B4GALT6: variants seen among roughly 807,000 people sequenced by gnomAD.
B4GALT6 encodes the protein UDP-Gal:beta-GlcNAc beta-1,4-galactosyltransferase 6.
A neutral mutation model predicts 46.3 loss-of-function variants in B4GALT6; 14 were observed. That is an observed-to-expected ratio of 0.30 (90% confidence interval 0.20 to 0.47). B4GALT6 has a LOEUF of 0.47. Among genes scored for constraint, B4GALT6 ranks in the 20% least tolerant of loss-of-function variants. The pLI is 0.99. For synonymous variants in B4GALT6, 168 were observed against 162.0 expected (o/e 1.04, Z -0.28); for missense variants, 386 against 480.1 (o/e 0.80, Z 1.83).
At chr18:31,719,216 C>T in the B4GALT6 span, 2 of 152,232 alleles carry the variant, frequency 1.3e-5, no homozygotes, top group Non-Finnish European at 2.9e-5. Context: ...TTGCTGACTT[C>T]ACCATTAAGC....
At chr18:31,688,556 A>G (rs746667347), upstream of B4GALT6, among the ~76,000 whole-genome samples, 2 of 152,156 alleles carry the variant, frequency 1.3e-5, no homozygotes, top group Non-Finnish European at 2.9e-5. Context: ...TAGCAGCCCT[A>G]CTTCAGCATT....
At chr18:31,675,466 C>A (rs1219062225) in intron 1 of B4GALT6, among the ~76,000 whole-genome samples, 1 of 152,186 alleles carries the variant, frequency 6.6e-6, no homozygotes, top group Non-Finnish European at 1.5e-5. Flanking sequence ...CCTACTTTAA[C>A]CCTAGTTGAT....
intron 6 of B4GALT6, 87 bp from the exon 7 acceptor site, chr18:31,627,208 C>CTT: frequency 9.1e-7 from 1 of 1,104,158 alleles, no homozygotes; most frequent in Non-Finnish European, 1.3e-6. Flanking sequence ...ATGTGCTTTG[C>CTT]AAAATATGCC....
At position 31,627,051 on chromosome 18, in the gene B4GALT6, A is replaced by G; in HGVS notation, c.847T>C (p.Phe283Leu). 6.2e-7 allele frequency: 1 copy of G among 1,611,972 alleles called. No homozygotes were observed. The highest frequency in any genetic ancestry group is 8.5e-7 in the Non-Finnish European group (1 of 1,179,090). The change falls in exon 7 of 9, where the codon TTT (phenylalanine) becomes CTT (leucine). Residue 283 changes from phenylalanine to leucine, a missense_variant. Coordinates refer to ENST00000306851, the MANE Select transcript of B4GALT6 (RefSeq NM_004775.5). ...TVEQFRKING[F>L]PNAFWGWGGE... Reference sequence around the variant, plus strand: ...CCCCATCCCCAGAAGGCATTAGGAAAACCATTGATCTTTCTAAATTGTTCC... The same window carrying G: ...CCCCATCCCCAGAAGGCATTAGGAAGACCATTGATCTTTCTAAATTGTTCC...
At chr18:31,721,845 G>A in the B4GALT6 span, among the ~76,000 whole-genome samples, 1 of 152,044 alleles carries the variant, frequency 6.6e-6, no homozygotes, top group South Asian at 2.1e-4. Context: ...AATTGTGTAA[G>A]CCAATTCTCT....
intron 4 of B4GALT6, among the ~76,000 whole-genome samples, chr18:31,640,885 A>G (rs1170985587): frequency 1.3e-5 from 2 of 152,238 alleles, no homozygotes; most frequent in Non-Finnish European, 2.9e-5. Context: ...GTTTACTTTT[A>G]GGATGGAAAA....
At chr18:31,723,400 A>G in the B4GALT6 span, among the ~76,000 whole-genome samples, 2 of 152,206 alleles carry the variant, frequency 1.3e-5, no homozygotes, top group African/African-American at 4.8e-5. Flanking sequence ...TCAGAAAATT[A>G]TTTAACATGC....
At chr18:31,663,947 T>C (rs1320001264) in intron 2 of B4GALT6, among the ~76,000 whole-genome samples, 1 of 152,230 alleles carries the variant, frequency 6.6e-6, no homozygotes, top group Non-Finnish European at 1.5e-5. Context: ...CCTTTCCCCG[T>C]AGGTAACAGA....
chr18:31,701,791 A>G, the B4GALT6 span, among the ~76,000 whole-genome samples: 5 of 152,196 alleles, frequency 3.3e-5, no homozygotes, highest in African/African-American at 9.6e-5. Flanking sequence ...AAGTGTTTCA[A>G]AAGTTAAGTT....
At chr18:31,700,435 T>TTGTGTGTGTG in the B4GALT6 span, among the ~76,000 whole-genome samples, 6,757 of 139,438 alleles carry the variant, frequency 0.048, 188 homozygotes, top group East Asian at 0.067. Context: ...AATTGACTAT[T>TTGTGTGTGTG]TGTGTGTGTG....
chr18:31,632,542 G>C (rs540887867), intron 5 of B4GALT6, among the ~76,000 whole-genome samples: 1 of 152,286 alleles, frequency 6.6e-6, no homozygotes, highest in Non-Finnish European at 1.5e-5. Flanking sequence ...GGAAATGAGA[G>C]TTCTGATATT....
intron 2 of B4GALT6, among the ~76,000 whole-genome samples, chr18:31,663,088 C>A (rs901921311): frequency 1.3e-5 from 2 of 152,134 alleles, no homozygotes; most frequent in Non-Finnish European, 2.9e-5. Context: ...AGAAACACAA[C>A]CAAAGAAAAG....
At chr18:31,666,427 T>A in intron 1 of B4GALT6, 55 bp from the exon 2 acceptor site, 2 of 768,380 alleles carry the variant, frequency 2.6e-6, no homozygotes, top group Non-Finnish European at 4.1e-6. Context: ...TTTTTTTATT[T>A]AATAAAATAA....
intron 5 of B4GALT6, among the ~76,000 whole-genome samples, chr18:31,637,836 T>C (rs2144544151): frequency 6.6e-6 from 1 of 152,332 alleles, no homozygotes; most frequent in Non-Finnish European, 1.5e-5. Flanking sequence ...TTTGGTATAA[T>C]TTAGAAAAGA....
intron 1 of B4GALT6, among the ~76,000 whole-genome samples, chr18:31,667,938 T>C (rs923481705): frequency 6.6e-6 from 1 of 151,308 alleles, no homozygotes; most frequent in Non-Finnish European, 1.5e-5. Context: ...CTACTAAAAA[T>C]ACAAAAAAAT....
chr18:31,629,375 A>G (rs1466142231), intron 6 of B4GALT6, among the ~76,000 whole-genome samples: 1 of 145,018 alleles, frequency 6.9e-6, no homozygotes, highest in African/African-American at 2.5e-5. Flanking sequence ...ACAACAAATT[A>G]TTTAGACAAC....
intron 1 of B4GALT6, among the ~76,000 whole-genome samples, chr18:31,678,120 C>T (rs2074436138): frequency 6.6e-6 from 1 of 152,134 alleles, no homozygotes; most frequent in Non-Finnish European, 1.5e-5. Context: ...GCTGCGGAGT[C>T]TAAGCACACA....
chr18:31,671,971 T>C (rs566725296), intron 1 of B4GALT6, among the ~76,000 whole-genome samples: 1 of 152,352 alleles, frequency 6.6e-6, no homozygotes, highest in East Asian at 1.9e-4. Flanking sequence ...GGGCCAGGCA[T>C]TCTATCCTGA....
intron 3 of B4GALT6, among the ~76,000 whole-genome samples, chr18:31,655,312 A>G (rs2074124453): frequency 6.6e-6 from 1 of 152,218 alleles, no homozygotes; most frequent in Admixed American, 6.5e-5. Flanking sequence ...GCCACCACTA[A>G]TTGGGCACAA....
Sources: gnomAD v4.1 joint callset for allele counts (sites outside exome capture counted in the v4.1 genomes callset) on GRCh38, gnomAD v4.1.1 for gene constraint, MANE v1.5 for transcripts, NCBI Gene and HGNC (gene_info 2026-07-23, HGNC 2026-07-21) for gene names.